The following TAFA1 variants were observed in gnomAD, a reference collection of about 807,000 sequenced individuals.
The protein encoded by TAFA1 is chemokine-like protein TAFA-1.
In TAFA1, 4 loss-of-function variants were observed where a neutral mutation model predicts 18.5. The ratio of observed to expected loss-of-function variants is 0.22; its 90% CI spans 0.11 to 0.49. TAFA1 has a LOEUF of 0.49. Among genes scored for constraint, TAFA1 ranks in the 20% least tolerant of loss-of-function variants. The pLI is 0.98. For synonymous variants in TAFA1, 56 were observed against 55.2 expected, an observed-to-expected ratio of 1.01 and a Z score of -0.06; for missense variants, 147 against 169.0, an observed-to-expected ratio of 0.87 and a Z score of 0.72.
At chr3:68,356,391 C>T (rs939863880) in intron 2 of TAFA1, among the ~76,000 whole-genome samples, 6 of 151,740 alleles carry the variant, frequency 4.0e-5, no homozygotes, top group Admixed American at 6.6e-5. Flanking sequence ...CACAAGGCAG[C>T]GTACACGGAT....
chr3:68,120,241 C>A (rs867597955), intron 2 of TAFA1, among the ~76,000 whole-genome samples: 1 of 83,334 alleles, frequency 1.2e-5, no homozygotes, highest in Non-Finnish European at 2.5e-5. Flanking sequence ...TTCTTTCTTT[C>A]TTTCTTTCTT....
intron 2 of TAFA1, among the ~76,000 whole-genome samples, chr3:68,342,413 C>T (rs2069100111): frequency 2.0e-5 from 3 of 152,216 alleles, no homozygotes; most frequent in African/African-American, 4.8e-5. Context: ...CTTGTTTATT[C>T]CCATATCAGT....
chr3:68,517,305 A>G (rs2072938150), intron 3 of TAFA1, among the ~76,000 whole-genome samples: 1 of 152,170 alleles, frequency 6.6e-6, no homozygotes, highest in Non-Finnish European at 1.5e-5. Flanking sequence ...CCAGTTTTCC[A>G]CTTATAGTAA....
intron 3 of TAFA1, among the ~76,000 whole-genome samples, chr3:68,428,478 C>T (rs749417829): frequency 6.6e-6 from 1 of 151,758 alleles, no homozygotes; most frequent in Non-Finnish European, 1.5e-5. Flanking sequence ...ATAGGTGACC[C>T]CCAGGAAACG....
chr3:68,517,395 G>C (rs1355527), intron 3 of TAFA1, among the ~76,000 whole-genome samples: 119,786 of 152,086 alleles, frequency 0.79, 47,260 homozygotes, highest in East Asian at 0.9. Context: ...TGTTTTAGAA[G>C]TCAGATGGAG....
intron 2 of TAFA1, among the ~76,000 whole-genome samples, chr3:68,169,987 C>T (rs956048045): frequency 3.9e-4 from 60 of 152,206 alleles, no homozygotes; most frequent in African/African-American, 1.4e-3. Flanking sequence ...TCTGCTTCTC[C>T]ATAAAGGCAA....
intron 3 of TAFA1, among the ~76,000 whole-genome samples, chr3:68,506,203 T>C (rs1481680645): frequency 6.6e-6 from 1 of 152,142 alleles, no homozygotes; most frequent in African/African-American, 2.4e-5. Context: ...TCCATGTACC[T>C]GCAAAGGACA....
intron 2 of TAFA1, among the ~76,000 whole-genome samples, chr3:68,175,530 G>A (rs569247380): frequency 1.3e-5 from 2 of 152,162 alleles, no homozygotes; most frequent in African/African-American, 2.4e-5. Context: ...TTTAAGATTC[G>A]TCTGCCCTGC....
intron 2 of TAFA1, among the ~76,000 whole-genome samples, chr3:68,246,524 A>AGCTT (rs1261469178): frequency 7.4e-6 from 1 of 135,054 alleles, no homozygotes; most frequent in Non-Finnish European, 1.5e-5. Flanking sequence ...CGGGAGGCGG[A>AGCTT]GCTTGCAGTG....
Position 68,396,277 on chromosome 3 carries a change from C to T in TAFA1, c.119-21003C>T, listed in dbSNP as rs116021279. ...AAACAGACAAGTCATGAATGAACAG[C>T]TCAGTGGATTTCCATTAACTGAACT... On this transcript the variant is annotated intron_variant, in intron 2 of 4. Transcript: ENST00000478136. Among the ~76,000 whole-genome samples, 985 of 152,102 alleles carry T rather than the reference C, an allele frequency of 6.5e-3. 13 individuals are homozygous for T. Among genetic ancestry groups the T allele is most frequent in the African/African-American group, 0.023 (943 of 41,502 alleles).
At chr3:68,394,352 A>G (rs1280517787) in intron 2 of TAFA1, among the ~76,000 whole-genome samples, 1 of 152,208 alleles carries the variant, frequency 6.6e-6, no homozygotes, top group Non-Finnish European at 1.5e-5. Context: ...GGAAGAATCA[A>G]TATCGTGAAA....
At chr3:68,208,404 T>G (rs2066552824) in intron 2 of TAFA1, among the ~76,000 whole-genome samples, 1 of 151,858 alleles carries the variant, frequency 6.6e-6, no homozygotes, top group African/African-American at 2.4e-5. Flanking sequence ...CCCAAGAAAC[T>G]TCTGGGATGC....
rs901434053 is a variant in TAFA1 at position 68,023,597 on chromosome 3, C to T, written c.118+16853C>T. On this transcript the variant is annotated intron_variant, in intron 2 of 4. Transcript: ENST00000478136. ...TTAGAAAATGATATTTTCTTTGTGA[C>T]GGTACTCTTTCATTCTTAGATATCC... Among the ~76,000 whole-genome samples, 5 of 152,030 alleles carry T rather than the reference C, an allele frequency of 3.3e-5. No individual in the cohort carries two copies. In the South Asian group the frequency reaches 6.2e-4, roughly 19 times the overall value.
rs17047748 is a variant in TAFA1 at position 68,473,078 on chromosome 3, T to C, written c.259+55658T>C. ...ATCCCAGCTGCTTTCAAGATCAAAG[T>C]GATTGATTTTCAGAGGAAACCACAA... On this transcript the variant is annotated intron_variant, in intron 3 of 4. Coordinates refer to ENST00000478136, the MANE Select transcript of TAFA1 (RefSeq NM_213609.4). 4.9e-3 allele frequency among the ~76,000 whole-genome samples: 747 copies of C among 152,274 alleles called. 6 individuals are homozygous for C. The highest frequency in any genetic ancestry group is 0.017 in the African/African-American group (707 of 41,548).
chr3:68,232,920 A>G (rs1356276656), intron 2 of TAFA1, among the ~76,000 whole-genome samples: 1 of 152,140 alleles, frequency 6.6e-6, no homozygotes, highest in African/African-American at 2.4e-5. Context: ...TAGTTTTTTA[A>G]GGAATCTCCA....
chr3:68,346,663 T>C (rs1243751956), intron 2 of TAFA1, among the ~76,000 whole-genome samples: 2 of 152,312 alleles, frequency 1.3e-5, no homozygotes, highest in East Asian at 3.9e-4. Context: ...ACAACTGCTG[T>C]ACACAGAACT....
At chr3:68,462,052 ACT>A (rs2071793085) in intron 3 of TAFA1, among the ~76,000 whole-genome samples, 1 of 152,076 alleles carries the variant, frequency 6.6e-6, no homozygotes, top group South Asian at 2.1e-4. Context: ...ACTTTGGAAA[ACT>A]CTGGAAAATT....
chr3:68,145,043 A>C, intron 2 of TAFA1: 2 of 1,608,316 alleles, frequency 1.2e-6, no homozygotes, highest in South Asian at 2.2e-5. Context: ...CTTTAGTTTC[A>C]AAAAGTTGCT....
At position 68,095,997 on chromosome 3, in the gene TAFA1, A is replaced by G. The variant is rs185669976; in HGVS notation, c.118+89253A>G. On this transcript the variant is annotated intron_variant, in intron 2 of 4. Coordinates refer to ENST00000478136, the MANE Select transcript of TAFA1 (RefSeq NM_213609.4). ...CTATTCTAGCTATTTTGAGATATGC[A>G]ATACATTGTTTTTAACTGTTCTATC... Among the ~76,000 whole-genome samples the G allele has an allele frequency of 6.5e-4, 99 of 152,166 alleles. 1 individual carries two copies. The highest frequency in any genetic ancestry group is 6.3e-3 in the Admixed American group (96 of 15,274).
Sources: gnomAD v4.1 joint callset for allele counts (sites outside exome capture counted in the v4.1 genomes callset) on GRCh38, gnomAD v4.1.1 for gene constraint, MANE v1.5 for transcripts, NCBI Gene and HGNC (gene_info 2026-07-23, HGNC 2026-07-21) for gene names.